The following CSMD3 variants were observed in gnomAD, a reference collection of about 807,000 sequenced individuals.
CSMD3 encodes the protein CUB and sushi domain-containing protein 3.
A neutral mutation model predicts 435.2 loss-of-function variants in CSMD3; 177 were observed. The observed-to-expected ratio is 0.41, with a 90% CI of 0.36 to 0.46. The LOEUF (loss-of-function observed/expected upper bound fraction) is 0.46. CSMD3 is among the 20% of genes least tolerant of loss of function. CSMD3 has a pLI of 0.34. For synonymous variants in CSMD3, 1,656 were observed against 1,520.5 expected, an observed-to-expected ratio of 1.09 and a Z score of -2.07; for missense variants, 4,265 against 4,504.6, an observed-to-expected ratio of 0.95 and a Z score of 1.52.
intron 16 of CSMD3, 115 bp downstream of exon 16, chr8:112,682,327 A>G: frequency 2.3e-6 from 2 of 860,546 alleles, no homozygotes; most frequent in Admixed American, 3.6e-5. Flanking sequence ...TAGAATATCA[A>G]GAAATGTTTT....
chr8:112,735,804 T>A (rs1231029242), intron 13 of CSMD3, among the ~76,000 whole-genome samples: 2 of 152,046 alleles, frequency 1.3e-5, no homozygotes, highest in Admixed American at 1.3e-4. Flanking sequence ...CAGAACAATA[T>A]AACACTTTTT....
intron 3 of CSMD3, among the ~76,000 whole-genome samples, chr8:113,249,306 T>C (rs1318915745): frequency 2.0e-5 from 3 of 152,082 alleles, no homozygotes; most frequent in Non-Finnish European, 2.9e-5. Flanking sequence ...AATACAGTTA[T>C]AACCTATGAA....
intron 1 of CSMD3, among the ~76,000 whole-genome samples, chr8:113,394,928 G>C (rs1028634948): frequency 6.6e-6 from 1 of 152,124 alleles, no homozygotes; most frequent in African/African-American, 2.4e-5. Context: ...GAATTTGAAG[G>C]TGAGAAGAGG....
chr8:112,869,285 T>C (rs565432570), intron 10 of CSMD3, among the ~76,000 whole-genome samples: 4 of 152,304 alleles, frequency 2.6e-5, no homozygotes, highest in African/African-American at 7.2e-5. Flanking sequence ...ATATTATAAT[T>C]GTATAAACTT....
intron 12 of CSMD3, among the ~76,000 whole-genome samples, chr8:112,829,010 A>C (rs1391170549): frequency 2.0e-5 from 3 of 152,144 alleles, no homozygotes; most frequent in African/African-American, 7.2e-5. Context: ...AATTAAAAAG[A>C]AAATAAAAAG....
At chr8:113,086,374 T>C (rs1404030223) in intron 5 of CSMD3, among the ~76,000 whole-genome samples, 3 of 152,182 alleles carry the variant, frequency 2.0e-5, no homozygotes, top group African/African-American at 4.8e-5. Flanking sequence ...CCATGACGTT[T>C]TGTAATTTAT....
At chr8:112,752,723 T>A (rs2132109973) in intron 13 of CSMD3, among the ~76,000 whole-genome samples, 1 of 152,300 alleles carries the variant, frequency 6.6e-6, no homozygotes, top group South Asian at 2.1e-4. Flanking sequence ...ATTCTATTTT[T>A]TTAGTCAATA....
intron 67 of CSMD3, among the ~76,000 whole-genome samples, chr8:112,235,081 G>C (rs1813443030): frequency 6.6e-6 from 1 of 152,066 alleles, no homozygotes; most frequent in Non-Finnish European, 1.5e-5. Context: ...AAAAGCACTG[G>C]AGGGCCAAGC....
At chr8:112,704,142 T>TTC (rs372978462) in intron 13 of CSMD3, among the ~76,000 whole-genome samples, 10 of 151,382 alleles carry the variant, frequency 6.6e-5, no homozygotes, top group Non-Finnish European at 1.3e-4. Flanking sequence ...ACATATTTAA[T>TTC]TCTCTCTCTC....
Position 112,441,597 on chromosome 8 carries a change from C to A in CSMD3, c.5395+30994G>T, listed in dbSNP as rs192159278. ...TATAAAGCAAACACTGGGTAATTTA[C>A]AAAGGAAAGAGGCTTAATTGACTCA... On this transcript the variant is annotated intron_variant, in intron 32 of 70. Coordinates refer to ENST00000297405, the MANE Select transcript of CSMD3 (RefSeq NM_198123.2). Among the ~76,000 whole-genome samples, 74 of 152,242 alleles carry A rather than the reference C, an allele frequency of 4.9e-4. 1 individual carries two copies. The highest frequency in any genetic ancestry group is 3.4e-3 in the Middle Eastern group (1 of 294).
intron 1 of CSMD3, among the ~76,000 whole-genome samples, chr8:113,374,792 GC>G (rs1338127169): frequency 7.5e-6 from 1 of 132,866 alleles, no homozygotes; most frequent in Admixed American, 8.0e-5. Flanking sequence ...TGTGTACACT[GC>G]CATATGCACC....
chr8:112,526,484 G>C (rs1824979493), intron 27 of CSMD3, among the ~76,000 whole-genome samples: 1 of 151,800 alleles, frequency 6.6e-6, no homozygotes, highest in African/African-American at 2.4e-5. Flanking sequence ...AAAAATATTT[G>C]TATATTTTAA....
intron 17 of CSMD3, among the ~76,000 whole-genome samples, chr8:112,659,227 A>G (rs140267451): frequency 1.3e-3 from 200 of 152,344 alleles, no homozygotes; most frequent in African/African-American, 4.6e-3. Flanking sequence ...CTGAGGAACT[A>G]TAAAAATACA....
chr8:112,637,721 T>C lies in CSMD3; in HGVS notation c.3527-716A>G, dbSNP rs537956462. ...TATTCCCAGAGCAGTTACTGTGTAA[T>C]TACAACAAAGAACAAGAGGCATTGC... On this transcript the variant is annotated intron_variant, in intron 21 of 70. Transcript: ENST00000297405. 5.3e-5 allele frequency among the ~76,000 whole-genome samples: 8 copies of C among 151,868 alleles called. No homozygotes were observed. The East Asian group carries it at 1.5e-3, about 29-fold the overall frequency.
chr8:112,350,025 C>T (rs1482807559), intron 40 of CSMD3, among the ~76,000 whole-genome samples: 1 of 152,048 alleles, frequency 6.6e-6, no homozygotes, highest in Non-Finnish European at 1.5e-5. Flanking sequence ...GAGGAAGAGA[C>T]ACCAGGAGCG....
At chr8:112,324,141 A>G (rs1186506001) in intron 45 of CSMD3, among the ~76,000 whole-genome samples, 2 of 151,918 alleles carry the variant, frequency 1.3e-5, no homozygotes, top group Non-Finnish European at 2.9e-5. Flanking sequence ...CATTACCCTA[A>G]TTCTCATCAG....
intron 1 of CSMD3, among the ~76,000 whole-genome samples, chr8:113,362,868 T>C (rs1481986336): frequency 1.3e-5 from 2 of 152,208 alleles, no homozygotes; most frequent in South Asian, 2.1e-4. Flanking sequence ...CTGACAAAAA[T>C]GGTAAAGGCA....
chr8:112,508,135 G>T (rs1291944320), intron 28 of CSMD3, among the ~76,000 whole-genome samples: 1 of 151,966 alleles, frequency 6.6e-6, no homozygotes. Flanking sequence ...CAAAACACTT[G>T]TTCAATTATT....
In CSMD3 at chr8:112,612,709, C is replaced by CTTTTTTTTTTTTTT. The variant is rs532290154; in HGVS notation, c.3715+24094_3715+24107dup. Among the ~76,000 whole-genome samples, 12 of 65,884 alleles carry CTTTTTTTTTTTTTT rather than the reference C, an allele frequency of 1.8e-4. 1 individual carries two copies. The highest frequency in any genetic ancestry group is 4.6e-4 in the Admixed American group (2 of 4,364). 43.2% of individuals were successfully genotyped at this position (65,884 alleles called of 152,430 possible). The stretch of plus-strand genomic sequence containing the variant: ...TTTCTGAACTCTTTCTTTCTTTGTT[C>CTTTTTTTTTTTTTT]TTTTTTTTTTTTTTTTTTTTTTTTT... On this transcript the variant is annotated intron_variant, in intron 22 of 70. Coordinates refer to ENST00000297405, the MANE Select transcript of CSMD3 (RefSeq NM_198123.2).
Sources: allele counts gnomAD v4.1 joint callset (sites outside exome capture counted in the v4.1 genomes callset), GRCh38; gene constraint gnomAD v4.1.1; transcripts MANE v1.5; gene names NCBI Gene and HGNC (gene_info 2026-07-23, HGNC 2026-07-21).